The following UBN2 variants were observed in gnomAD, a reference collection of about 807,000 sequenced individuals.
The protein encoded by UBN2 is ubinuclein 2, also known as ubinuclein-2.
Under a neutral mutation model 120.2 loss-of-function variants are expected in UBN2, and 35 were observed. The ratio of observed to expected loss-of-function variants is 0.29; its 90% CI spans 0.22 to 0.39. The LOEUF (loss-of-function observed/expected upper bound fraction) is 0.39. Among genes scored for constraint, UBN2 ranks in the 10% least tolerant of loss-of-function variants. The pLI is 1.00. For synonymous variants in UBN2, 661 were observed against 648.7 expected (o/e 1.02, Z -0.29); for missense variants, 1,693 against 1,663.2 (o/e 1.02, Z -0.31).
intron 3 of UBN2, among the ~76,000 whole-genome samples, chr7:139,254,913 T>C (rs565103629): frequency 3.3e-5 from 5 of 152,262 alleles, no homozygotes; most frequent in East Asian, 3.9e-4. Context: ...AGTAGGACAT[T>C]TGTTAGAGTT....
chr7:139,234,324 A>T (rs142871064), intron 1 of UBN2, among the ~76,000 whole-genome samples: 1 of 152,218 alleles, frequency 6.6e-6, no homozygotes, highest in Admixed American at 6.5e-5. Flanking sequence ...GGTGTGTTAC[A>T]TATGGATACC....
At chr7:139,249,010 CTGTG>C (rs559214097) in intron 2 of UBN2, among the ~76,000 whole-genome samples, 15 of 147,722 alleles carry the variant, frequency 1.0e-4, no homozygotes, top group African/African-American at 2.5e-4. Flanking sequence ...TTTATTACAT[CTGTG>C]TGTGTGTGTG....
chr7:139,280,260 A>G lies in UBN2; in HGVS notation c.2067+900A>G, dbSNP rs369758507. 2.4e-3 allele frequency among the ~76,000 whole-genome samples: 368 copies of G among 152,342 alleles called. 3 individuals carry two copies. Among genetic ancestry groups the G allele is most frequent in the African/African-American group, 8.4e-3 (349 of 41,586 alleles). On this transcript the variant is annotated intron_variant, in intron 13 of 17. Coordinates refer to ENST00000473989, the MANE Select transcript of UBN2 (RefSeq NM_173569.4). ...AACAGCAGTTAGATCCCTAAGACGG[A>G]CAAGTAGTGCACTTATGGAATTTAG...
At chr7:139,285,241 TC>T (rs1214619833) in intron 15 of UBN2, among the ~76,000 whole-genome samples, 1 of 152,176 alleles carries the variant, frequency 6.6e-6, no homozygotes, top group Admixed American at 6.5e-5. Context: ...GCATGGTGGC[TC>T]GTGTCTGTAA....
At chr7:139,328,327 T>C in the UBN2 span, among the ~76,000 whole-genome samples, 1 of 152,176 alleles carries the variant, frequency 6.6e-6, no homozygotes, top group African/African-American at 2.4e-5. Context: ...TCAGCTCTTG[T>C]GAGAACTCAC....
At chr7:139,320,017 A>G in the UBN2 span, among the ~76,000 whole-genome samples, 2 of 151,644 alleles carry the variant, frequency 1.3e-5, no homozygotes, top group African/African-American at 2.4e-5. Context: ...CAGAGCTTGC[A>G]GTGAGCCGAG....
rs747159047 is a variant in UBN2, at chr7:139,274,045, C to T, written c.1944C>T (p.Pro648=). 16 of 1,608,114 alleles carry T rather than the reference C, an allele frequency of 9.9e-6. No individual in the cohort carries two copies. The highest frequency in any genetic ancestry group is 4.0e-5 in the African/African-American group (3 of 74,532). The change falls in exon 11 of 18, where the codon CCC becomes CCT. Residue 648 remains proline (P), a synonymous_variant. Transcript: ENST00000473989. ...LKSFMETEVK[P]LWPKGWMQAR... is the part of the protein sequence containing the mutation. Reference sequence around the variant, plus strand: ...CTTTTATGGAGACAGAAGTGAAGCCCCTGTGGCCTAAGGGCTGGATGCAGG... The same window carrying T: ...CTTTTATGGAGACAGAAGTGAAGCCTCTGTGGCCTAAGGGCTGGATGCAGG...
At chr7:139,285,008 AT>A (rs1015245903) in intron 15 of UBN2, among the ~76,000 whole-genome samples, 2 of 151,998 alleles carry the variant, frequency 1.3e-5, no homozygotes, top group African/African-American at 4.8e-5. Context: ...CAATTTTCTT[AT>A]TTTTCAATCA....
rs1021843888 is a variant in UBN2 at position 139,286,858 on chromosome 7, T to C, written c.3669+2284T>C. On this transcript the variant is annotated intron_variant, in intron 15 of 17. Coordinates refer to ENST00000473989, the MANE Select transcript of UBN2 (RefSeq NM_173569.4). Reference sequence around the variant, plus strand: ...GTTCAATATAGTCTAAGGGTTGATATTCAATATACATTGTATATTCAAATC... The same window carrying C: ...GTTCAATATAGTCTAAGGGTTGATACTCAATATACATTGTATATTCAAATC... Among the ~76,000 whole-genome samples, 13 of 152,308 alleles carry C rather than the reference T, an allele frequency of 8.5e-5. No homozygotes were observed. The East Asian group carries it at 1.7e-3, about 20-fold the overall frequency.
chr7:139,243,999 T>C (rs1796392006), intron 2 of UBN2, among the ~76,000 whole-genome samples: 1 of 152,102 alleles, frequency 6.6e-6, no homozygotes, highest in South Asian at 2.1e-4. Flanking sequence ...AAATAACATT[T>C]ATTGAGTGGG....
At chr7:139,249,245 A>G (rs930785744) in intron 2 of UBN2, among the ~76,000 whole-genome samples, 36 of 152,218 alleles carry the variant, frequency 2.4e-4, no homozygotes, top group African/African-American at 7.2e-4. Context: ...TGATGATGGT[A>G]TAGTAATCAT....
chr7:139,284,615 T>A, intron 15 of UBN2, 41 bp downstream of exon 15: 2 of 1,515,872 alleles, frequency 1.3e-6, no homozygotes, highest in Non-Finnish European at 8.9e-7. Context: ...ACTATAAGAT[T>A]GTATAATGTC....
the UBN2 span, among the ~76,000 whole-genome samples, chr7:139,330,117 CA>C: frequency 1.8e-4 from 28 of 152,272 alleles, no homozygotes; most frequent in African/African-American, 6.7e-4. Flanking sequence ...GAAGCCCTTA[CA>C]ACACCTGTCA....
At chr7:139,280,429 A>C (rs1427099304) in intron 13 of UBN2, among the ~76,000 whole-genome samples, 1 of 152,338 alleles carries the variant, frequency 6.6e-6, no homozygotes, top group South Asian at 2.1e-4. Flanking sequence ...ATCATTTGAA[A>C]TTAAAATTTT....
rs1252424835 is a variant in UBN2, at chr7:139,283,277, G to A, written c.2372G>A (p.Ser791Asn). 6.2e-7 allele frequency: 1 copy of A among 1,613,788 alleles called. No homozygotes were observed. Among genetic ancestry groups the A allele is most frequent in the Admixed American group, 1.7e-5 (1 of 59,938 alleles). The change falls in exon 15 of 18, where the codon AGC becomes AAC. Residue 791 changes from serine (S) to asparagine (N), a missense_variant. Coordinates refer to ENST00000473989, the MANE Select transcript of UBN2 (RefSeq NM_173569.4). ...GGCCCTCCAGTTGGCTCAAGGATAA[G>A]CATGCCAACCACAAAGCCTCGTCCA... is the stretch of plus-strand genomic sequence containing the variant. ...NKGPPVGSRI[S>N]MPTTKPRPGL...
intron 3 of UBN2, among the ~76,000 whole-genome samples, chr7:139,254,301 CA>C (rs971384690): frequency 5.4e-5 from 8 of 148,868 alleles, no homozygotes; most frequent in Admixed American, 1.3e-4. Context: ...TCAAAAAAAA[CA>C]AAAAAAAAAT....
Position 139,258,507 on chromosome 7 carries a change from C to T in UBN2, c.683C>T (p.Ala228Val). The T allele has an allele frequency of 1.9e-6, 3 of 1,595,212 alleles. No homozygotes were observed. The highest frequency in any genetic ancestry group is 2.6e-6 in the Non-Finnish European group (3 of 1,169,872). ...ATCTAGTATGATGAATTAGTTCCCG[C>T]TTCTCTAACAACAAAATATGGAGGC... ...NSEAYDELVP[A>V]SLTTKYGGFY... The change falls in exon 4 of 18, where the codon GCT becomes GTT. Residue 228 changes from alanine (A) to valine (V), a missense_variant. Ala to Val is a moderately conservative substitution (Grantham distance 64, BLOSUM62 0). This residue lies in a region of UBN2 where 663 missense variants were observed against 591.2 expected (regional missense o/e 1.12). Coordinates refer to ENST00000473989, the MANE Select transcript of UBN2 (RefSeq NM_173569.4).
chr7:139,232,038 C>G, intron 1 of UBN2, 86 bp downstream of exon 1: 1 of 1,359,508 alleles, frequency 7.4e-7, no homozygotes, highest in Non-Finnish European at 1.0e-6. Flanking sequence ...CTTGGGACGC[C>G]CACCGAGCGC....
rs377513859 is a variant in UBN2 at position 139,237,149 on chromosome 7, G to A, written c.561+52G>A. The A allele has an allele frequency of 2.1e-4, 286 of 1,338,918 alleles. 1 individual carries two copies. The Middle Eastern group carries it at 2.2e-3, about 11-fold the overall frequency. 82.9% of individuals were successfully genotyped at this position (1,338,918 alleles called of 1,614,324 possible). A position where few individuals can be genotyped will look rare whatever the true frequency, so the allele number is the denominator to read the frequency against. ...GTAATTTTATCCTATTGACCTGTTT[G>A]CTTTCTGTGGCTGGTTGGGAGGGCC... On this transcript the variant is annotated intron_variant, in intron 2 of 17. Transcript: ENST00000473989.
Sources: gnomAD v4.1 joint callset for allele counts (sites outside exome capture counted in the v4.1 genomes callset) on GRCh38, gnomAD v4.1.1 for gene constraint, gnomAD v4.1.1 regional missense constraint, MANE v1.5 for transcripts, NCBI Gene and HGNC (gene_info 2026-07-23, HGNC 2026-07-21) for gene names.